The following RASAL2 variants were observed in gnomAD, a reference collection of about 807,000 sequenced individuals.
RASAL2 encodes the protein RAS protein activator like 2, also known as ras GTPase-activating protein nGAP.
Under a neutral mutation model 128.9 loss-of-function variants are expected in RASAL2, and 58 were observed. The observed-to-expected ratio is 0.45, with a 90% CI of 0.36 to 0.56. The LOEUF is 0.56. RASAL2 is among the 20% of genes least tolerant of loss of function. The pLI is 0.00. For synonymous variants in RASAL2, 561 were observed against 580.8 expected (o/e 0.97, Z 0.49); for missense variants, 1,360 against 1,601.6 (o/e 0.85, Z 2.57).
Position 178,103,137 on chromosome 1 carries a change from C to T in RASAL2, c.202+8443C>T, listed in dbSNP as rs146657960. 1.2e-3 allele frequency among the ~76,000 whole-genome samples: 183 copies of T among 152,126 alleles called. 1 individual carries two copies. Among genetic ancestry groups the T allele is most frequent in the African/African-American group, 4.4e-3 (182 of 41,502 alleles). ...CTCTATTTTTACACGTATGATAACC[C>T]ATTAGAACTGATTTTTATCTGCACT... On this transcript the variant is annotated intron_variant, in intron 1 of 17. Transcript: ENST00000367649.
chr1:178,424,958 C>A (rs990062913), intron 5 of RASAL2, among the ~76,000 whole-genome samples: 1 of 152,110 alleles, frequency 6.6e-6, no homozygotes, highest in African/African-American at 2.4e-5. Context: ...CAGTTATGTA[C>A]AAGCTACTAT....
At chr1:178,452,302 G>GTCC in intron 10 of RASAL2, 114 bp from the exon 11 acceptor site, 2 of 864,542 alleles carry the variant, frequency 2.3e-6, no homozygotes, top group Non-Finnish European at 3.7e-6. Flanking sequence ...TTTCTACTAG[G>GTCC]TCCTCCTCAC....
chr1:178,419,192 T>C (rs1429647247), intron 4 of RASAL2, among the ~76,000 whole-genome samples: 1 of 152,220 alleles, frequency 6.6e-6, no homozygotes. Flanking sequence ...TAAAATGATA[T>C]TCATCTCAAG....
intron 1 of RASAL2, among the ~76,000 whole-genome samples, chr1:178,190,059 T>A (rs982725958): frequency 6.9e-6 from 1 of 144,060 alleles, no homozygotes; most frequent in East Asian, 1.9e-4. Context: ...TAAACATCCT[T>A]GAGTTCACAG....
At chr1:178,160,887 C>T (rs1661264564) in intron 1 of RASAL2, among the ~76,000 whole-genome samples, 1 of 152,130 alleles carries the variant, frequency 6.6e-6, no homozygotes, top group African/African-American at 2.4e-5. Flanking sequence ...ATTAAGTATG[C>T]TCATCACTCA....
chr1:178,354,629 A>G (rs1571913986), intron 3 of RASAL2, among the ~76,000 whole-genome samples: 2 of 152,378 alleles, frequency 1.3e-5, no homozygotes, highest in Non-Finnish European at 2.9e-5. Flanking sequence ...AAGTTGCTAG[A>G]TAACAAGATC....
chr1:178,131,083 A>G (rs1011805855), intron 1 of RASAL2, among the ~76,000 whole-genome samples: 1 of 150,280 alleles, frequency 6.7e-6, no homozygotes, highest in Non-Finnish European at 1.5e-5. Flanking sequence ...AACAAAAAAA[A>G]CCAAAAAAAA....
chr1:178,098,619 C>T (rs540221382), intron 1 of RASAL2, among the ~76,000 whole-genome samples: 2 of 152,220 alleles, frequency 1.3e-5, no homozygotes, highest in South Asian at 4.1e-4. Flanking sequence ...TATGACAGGT[C>T]TGCAAGTATG....
chr1:178,302,859 G>A (rs1667826341), intron 3 of RASAL2, among the ~76,000 whole-genome samples: 1 of 151,966 alleles, frequency 6.6e-6, no homozygotes. Flanking sequence ...GGTCAATATG[G>A]TGAAACCCTG....
intron 6 of RASAL2, among the ~76,000 whole-genome samples, chr1:178,439,966 TATCCATCCATCCATCC>T (rs554884956): frequency 5.7e-5 from 6 of 104,858 alleles, no homozygotes; most frequent in Non-Finnish European, 8.8e-5. Context: ...TTTTCTTATT[TATCCATCCATCCATCC>T]ATCCATCCAT....
At chr1:178,415,716 A>G (rs1674709274) in intron 4 of RASAL2, among the ~76,000 whole-genome samples, 1 of 152,082 alleles carries the variant, frequency 6.6e-6, no homozygotes, top group South Asian at 2.1e-4. Flanking sequence ...AACTCTTACC[A>G]GTTTTGCCTC....
chr1:178,095,185 C>T (rs1407316375), intron 1 of RASAL2, among the ~76,000 whole-genome samples: 5 of 152,242 alleles, frequency 3.3e-5, no homozygotes, highest in African/African-American at 1.2e-4. Flanking sequence ...GCCTGAACCT[C>T]ACTCTCTCTA....
At chr1:178,233,012 C>T (rs993656615) in intron 1 of RASAL2, among the ~76,000 whole-genome samples, 2 of 152,158 alleles carry the variant, frequency 1.3e-5, no homozygotes, top group Admixed American at 6.6e-5. Flanking sequence ...TGAGGTGATC[C>T]TTTGGAAATC....
intron 3 of RASAL2, among the ~76,000 whole-genome samples, chr1:178,323,843 T>C (rs1430744648): frequency 1.3e-5 from 2 of 152,162 alleles, no homozygotes; most frequent in Non-Finnish European, 2.9e-5. Flanking sequence ...CAAAAACATG[T>C]ATTAGGTTGT....
intron 1 of RASAL2, among the ~76,000 whole-genome samples, chr1:178,230,777 G>A (rs913406423): frequency 6.6e-6 from 1 of 152,174 alleles, no homozygotes; most frequent in Non-Finnish European, 1.5e-5. Context: ...TTGGAGGACA[G>A]ATGTCTCCAT....
chr1:178,356,015 A>C (rs1033243160), intron 3 of RASAL2, among the ~76,000 whole-genome samples: 3 of 152,042 alleles, frequency 2.0e-5, no homozygotes, highest in African/African-American at 7.2e-5. Flanking sequence ...CTGAAAATAC[A>C]AAAAATTAGC....
At position 178,174,929 on chromosome 1, in the gene RASAL2, T is replaced by A. The variant is rs553825457; in HGVS notation, c.202+80235T>A. ...AATTATTGTCAAATTGTGATTGCTA[T>A]GTATTGCTTACCTAGGTTGCAAGAA... On this transcript the variant is annotated intron_variant, in intron 1 of 17. Coordinates refer to ENST00000367649, the MANE Select transcript of RASAL2 (RefSeq NM_170692.4). 7.9e-5 allele frequency among the ~76,000 whole-genome samples: 12 copies of A among 152,280 alleles called. No individual in the cohort carries two copies. In the South Asian group the frequency reaches 2.5e-3, roughly 32 times the overall value.
chr1:178,325,688 A>G lies in RASAL2; in HGVS notation c.457+25570A>G, dbSNP rs11801623. 5.6e-3 allele frequency among the ~76,000 whole-genome samples: 846 copies of G among 152,366 alleles called. 11 individuals carry two copies. The highest frequency in any genetic ancestry group is 0.019 in the African/African-American group (790 of 41,586). The stretch of plus-strand genomic sequence containing the variant: ...AGATAGGCTCCCTGAAAGAAACTGT[A>G]TGCAGAATATGAGAAAAGAGAAAAT... On this transcript the variant is annotated intron_variant, in intron 3 of 17. Coordinates refer to ENST00000367649, the MANE Select transcript of RASAL2 (RefSeq NM_170692.4).
In RASAL2 at chr1:178,269,397, G is replaced by A. The variant is rs551675907; in HGVS notation, c.203-14167G>A. ...AGGAGGACATCTTCTTGTCAGACAC[G>A]TGTGAACCAGAGCAATTCTATCCTA... is the stretch of plus-strand genomic sequence containing the variant. On this transcript the variant is annotated intron_variant, in intron 1 of 17. Coordinates refer to ENST00000367649, the MANE Select transcript of RASAL2 (RefSeq NM_170692.4). Among the ~76,000 whole-genome samples the A allele has an allele frequency of 9.8e-5, 15 of 152,324 alleles. 1 individual carries two copies. In the South Asian group the frequency reaches 2.9e-3, roughly 29 times the overall value.
Sources: gnomAD v4.1 joint callset for allele counts (sites outside exome capture counted in the v4.1 genomes callset) on GRCh38, gnomAD v4.1.1 for gene constraint, MANE v1.5 for transcripts, NCBI Gene and HGNC (gene_info 2026-07-23, HGNC 2026-07-21) for gene names.